NFATC1: variants seen among roughly 807,000 people sequenced by gnomAD.
NFATC1 encodes nuclear factor of activated T cells 1.
NFATC1 carries 22 observed loss-of-function variants against 76.0 expected under a neutral mutation model. The observed-to-expected ratio is 0.29, with a 90% CI of 0.21 to 0.41. The LOEUF is 0.41. NFATC1 is among the 10% of genes least tolerant of loss of function. The pLI is 1.00. For missense variants in NFATC1, 1,357 were observed against 1,337.7 expected, an observed-to-expected ratio of 1.01 and a Z score of -0.23; for synonymous variants, 704 against 613.1, an observed-to-expected ratio of 1.15 and a Z score of -2.19.
At chr18:79,516,980 G>A (rs1463397212) in intron 9 of NFATC1, among the ~76,000 whole-genome samples, 4 of 152,178 alleles carry the variant, frequency 2.6e-5, no homozygotes, top group African/African-American at 4.8e-5. Context: ...CCATAAAACA[G>A]TCAGTAAACA....
rs369561820 is a variant in NFATC1 at position 79,467,504 on chromosome 18, G to C, written c.2014G>C (p.Val672Leu). 1 of 1,613,440 alleles carries C rather than the reference G, an allele frequency of 6.2e-7. No individual in the cohort carries two copies. The highest frequency in any genetic ancestry group is 8.5e-7 in the Non-Finnish European group (1 of 1,179,624). ...PFRNQRITSPVHVSFYVCNGK... is the reference protein window; with the variant it reads ...PFRNQRITSPLHVSFYVCNGK... ...TCGGAATCAGAGGATAACCAGCCCC[G>C]TTCACGTCAGTTTCTACGTCTGCAA... The change falls in exon 8 of 10, where the codon GTT becomes CTT. Residue 672 changes from valine (V) to leucine (L), a missense_variant. Around this residue, in one of 3 missense-constraint regions of NFATC1, gnomAD observed 424 missense variants for 395.4 expected, o/e 1.07. Transcript: ENST00000427363.
chr18:79,493,196 G>A lies in NFATC1; in HGVS notation c.2782+6259G>A, dbSNP rs763509803. Among the ~76,000 whole-genome samples the A allele has an allele frequency of 3.9e-5, 6 of 152,376 alleles. 1 individual carries two copies. The highest frequency in any genetic ancestry group is 1.4e-4 in the African/African-American group (6 of 41,590). Reference sequence around the variant, plus strand: ...ATGTGATCTCCACGCATTCCGCATCGTGGAGAAGGGCCGTGAGGAGGCTCC... The same window carrying A: ...ATGTGATCTCCACGCATTCCGCATCATGGAGAAGGGCCGTGAGGAGGCTCC... On this transcript the variant is annotated intron_variant, in intron 9 of 9. Coordinates refer to ENST00000427363, the MANE Select transcript of NFATC1 (RefSeq NM_001278669.2).
At position 79,524,562 on chromosome 18, in the gene NFATC1, G is replaced by C. The variant is rs976633961; in HGVS notation, c.2783-2966G>C. Among the ~76,000 whole-genome samples the C allele has an allele frequency of 5.3e-5, 8 of 152,190 alleles. No individual in the cohort carries two copies. Among genetic ancestry groups the C allele is most frequent in the South Asian group, 4.1e-4 (2 of 4,832 alleles). ...AACACACTTGACCCGGCGCTGGGAC[G>C]GGGTCGGCCCACACGCACCGCCAGC... On this transcript the variant is annotated intron_variant, in intron 9 of 9. Transcript: ENST00000427363. This position sits in a 1 kb window ranked among gnomAD's most constrained non-coding sequence, Gnocchi z 7.2.
chr18:79,494,351 ACACGCCCCCCATCG>A (rs2089802699), intron 9 of NFATC1, among the ~76,000 whole-genome samples: 3 of 117,228 alleles, frequency 2.6e-5, no homozygotes, highest in Admixed American at 1.7e-4. Flanking sequence ...GAGAGCGGGC[ACACGCCCCCCATCG>A]ACCTGGTACC....
intron 1 of NFATC1, among the ~76,000 whole-genome samples, chr18:79,396,991 A>C (rs1276925096): frequency 6.6e-6 from 1 of 152,210 alleles, no homozygotes; most frequent in Non-Finnish European, 1.5e-5. Context: ...AAGATGTTTC[A>C]GGCAAGTTTG....
chr18:79,518,777 T>C (rs2090445369), intron 9 of NFATC1, among the ~76,000 whole-genome samples: 1 of 152,156 alleles, frequency 6.6e-6, no homozygotes, highest in Non-Finnish European at 1.5e-5. Context: ...TGCCGGGTGC[T>C]CTGGAGGGGT....
At chr18:79,521,205 A>C (rs2090547449) in intron 9 of NFATC1, among the ~76,000 whole-genome samples, 1 of 57,310 alleles carries the variant, frequency 1.7e-5, no homozygotes, top group Non-Finnish European at 3.2e-5. Context: ...GCATCAGCTG[A>C]TATGTGTGTC....
Position 79,486,497 on chromosome 18 carries a change from C to T in NFATC1, c.2342C>T (p.Ala781Val). 1 of 1,604,916 alleles carries T rather than the reference C, an allele frequency of 6.2e-7. No homozygotes were observed. Among genetic ancestry groups the T allele is most frequent in the East Asian group, 2.2e-5 (1 of 44,840 alleles). ...LSPAAYTKGV[A>V]SPGHCHLGLP... ...CCCGCTGCCTACACCAAGGGCGTTG[C>T]CAGCCCGGGCCACTGTCACCTCGGA... Residue 781 changes from alanine (A) to valine (V), a missense_variant, in exon 9 of 10, where the codon GCC (alanine) becomes GTC (valine). By Grantham distance (64) the Ala-to-Val change is moderately conservative (BLOSUM62 0). Coordinates refer to ENST00000427363, the MANE Select transcript of NFATC1 (RefSeq NM_001278669.2).
In NFATC1 at chr18:79,448,978, G is replaced by T. The variant is rs1321754340; in HGVS notation, c.1583G>T (p.Arg528Leu). Residue 528 changes from arginine (R) to leucine (L), a missense_variant, in exon 4 of 10, where the codon CGA becomes CTA. Coordinates refer to ENST00000427363, the MANE Select transcript of NFATC1 (RefSeq NM_001278669.2). Reference sequence around the variant, plus strand: ...CCACTCCTGCCGGAGAACAGCATGCGAGCCGTGTAAGCCGCGGGGGACCTC... The same window carrying T: ...CCACTCCTGCCGGAGAACAGCATGCTAGCCGTGTAAGCCGCGGGGGACCTC... The part of the protein sequence containing the change: ...EIPLLPENSM[R>L]AVIDCAGILK... 4 of 1,613,124 alleles carry T rather than the reference G, an allele frequency of 2.5e-6. No individual in the cohort carries two copies. Among genetic ancestry groups the T allele is most frequent in the Non-Finnish European group, 3.4e-6 (4 of 1,179,968 alleles).
rs192622601 is a variant in NFATC1, at chr18:79,436,366, C to G, written c.1386+2628C>G. On this transcript the variant is annotated intron_variant, in intron 3 of 9. Coordinates refer to ENST00000427363, the MANE Select transcript of NFATC1 (RefSeq NM_001278669.2). ...AAATGCTGTTCTCTTCGTTGTGAAT[C>G]GTCTGTCCGCTGCATCTCAAAAAGC... Among the ~76,000 whole-genome samples the G allele has an allele frequency of 2.6e-5, 4 of 152,330 alleles. No individual in the cohort carries two copies. The South Asian group carries it at 8.3e-4, about 32-fold the overall frequency.
At chr18:79,515,162 TG>T (rs2090347402) in intron 9 of NFATC1, among the ~76,000 whole-genome samples, 1 of 151,864 alleles carries the variant, frequency 6.6e-6, no homozygotes. Context: ...GTGGCCAACA[TG>T]GCGAAACCCC....
intron 5 of NFATC1, 112 bp from the exon 6 acceptor site, chr18:79,451,564 G>T: frequency 8.0e-7 from 1 of 1,242,340 alleles, no homozygotes; most frequent in Non-Finnish European, 1.1e-6. Context: ...GCAGGTCGTG[G>T]CGGTGCTTGC....
At chr18:79,479,088 C>T (rs1441634526) in intron 8 of NFATC1, among the ~76,000 whole-genome samples, 29 of 152,350 alleles carry the variant, frequency 1.9e-4, no homozygotes, top group Middle Eastern at 3.4e-3. Flanking sequence ...TAAAGCCAGC[C>T]GGCCCTGAGG....
chr18:79,492,831 G>A (rs886889637), intron 9 of NFATC1, among the ~76,000 whole-genome samples: 2 of 141,654 alleles, frequency 1.4e-5, no homozygotes, highest in African/African-American at 2.6e-5. Flanking sequence ...CTGAGACCTC[G>A]CCACTGCACT....
At chr18:79,500,745 C>G (rs1049847103) in intron 9 of NFATC1, among the ~76,000 whole-genome samples, 3 of 152,034 alleles carry the variant, frequency 2.0e-5, no homozygotes, top group African/African-American at 4.8e-5. Flanking sequence ...ATTAAACAAC[C>G]TGGATGAAAT....
At chr18:79,510,512 G>C (rs749671724) in intron 9 of NFATC1, among the ~76,000 whole-genome samples, 3 of 152,220 alleles carry the variant, frequency 2.0e-5, no homozygotes, top group Non-Finnish European at 4.4e-5. Context: ...TCTTGCGTTT[G>C]GATTTGAGGG....
At chr18:79,517,037 A>G (rs751996809) in intron 9 of NFATC1, among the ~76,000 whole-genome samples, 17 of 152,240 alleles carry the variant, frequency 1.1e-4, no homozygotes, top group Non-Finnish European at 8.8e-5. Context: ...ATGAAAATCC[A>G]TATGTTCATT....
At chr18:79,405,045 A>C (rs1010565947) in intron 1 of NFATC1, among the ~76,000 whole-genome samples, 6 of 152,196 alleles carry the variant, frequency 3.9e-5, no homozygotes, top group Admixed American at 1.3e-4. Flanking sequence ...TGCTGAGGCC[A>C]GTGGGACTAG....
intron 2 of NFATC1, among the ~76,000 whole-genome samples, chr18:79,420,470 G>A (rs536534792): frequency 1.2e-4 from 18 of 149,662 alleles, no homozygotes; most frequent in African/African-American, 4.2e-4. Context: ...AGAGGGGGAC[G>A]CCTTTCCAGG....
Sources: allele counts gnomAD v4.1 joint callset (sites outside exome capture counted in the v4.1 genomes callset), GRCh38; gene constraint gnomAD v4.1.1; regional missense constraint gnomAD v4.1.1; non-coding constraint Gnocchi (gnomAD v3.1); transcripts MANE v1.5; gene names NCBI Gene and HGNC (gene_info 2026-07-23, HGNC 2026-07-21).